The following DNAJC6 variants were observed in gnomAD, a reference collection of about 807,000 sequenced individuals.
The protein encoded by DNAJC6 is DnaJ heat shock protein family (Hsp40) member C6, also known as auxilin.
In DNAJC6, 34 loss-of-function variants were observed where a neutral mutation model predicts 110.0. That is an observed-to-expected ratio of 0.31 (90% confidence interval 0.24 to 0.41). The LOEUF is 0.41. Ranked by LOEUF, DNAJC6 falls within the 10% of genes least tolerant of loss-of-function variation. The probability of loss-of-function intolerance (pLI) is 1.00; values close to 1 mark genes in which losing one functional copy is unlikely to be tolerated. For synonymous variants in DNAJC6, 406 were observed against 437.2 expected (o/e 0.93, Z 0.89); for missense variants, 1,031 against 1,207.8 (o/e 0.85, Z 2.17).
intron 1 of DNAJC6, among the ~76,000 whole-genome samples, chr1:65,296,674 A>G (rs1644932511): frequency 7.0e-6 from 1 of 142,820 alleles, no homozygotes; most frequent in South Asian, 2.2e-4. Flanking sequence ...TGCAACATCC[A>G]CCTTCTGGGT....
intron 1 of DNAJC6, among the ~76,000 whole-genome samples, chr1:65,313,076 A>G: frequency 6.8e-6 from 1 of 147,214 alleles, no homozygotes; most frequent in Non-Finnish European, 1.5e-5. Flanking sequence ...CTGTGATTAC[A>G]GGGTCTTGCT....
chr1:65,404,073 G>A (rs1393105872), intron 15 of DNAJC6, among the ~76,000 whole-genome samples: 2 of 152,160 alleles, frequency 1.3e-5, no homozygotes, highest in Non-Finnish European at 2.9e-5. Context: ...CCCCAGTGTA[G>A]AATGAATACC....
chr1:65,349,560 G>T (rs1368616542), intron 1 of DNAJC6, among the ~76,000 whole-genome samples: 1 of 151,886 alleles, frequency 6.6e-6, no homozygotes, highest in Admixed American at 6.6e-5. Context: ...TGTTTTGAAA[G>T]GATTTTTTGC....
At chr1:65,306,439 C>G (rs530851568), upstream of DNAJC6, 1 of 152,310 alleles carries the variant, frequency 6.6e-6, no homozygotes, top group East Asian at 1.9e-4. Context: ...ATACCTTGAT[C>G]TCTTAGCCCA....
At chr1:65,344,802 AG>A (rs1436153263) in intron 1 of DNAJC6, among the ~76,000 whole-genome samples, 1 of 152,148 alleles carries the variant, frequency 6.6e-6, no homozygotes, top group Non-Finnish European at 1.5e-5. Flanking sequence ...CATGGGATCC[AG>A]GGAGGGACCA....
Position 65,292,939 on chromosome 1 carries a change from T to A in DNAJC6, c.-131+28007T>A, listed in dbSNP as rs1297481355. ...AACGTATGAGGCATCAGCTGGGATGTCAGGATCAGCTCCTCCATGTGGCCT... is the reference window on the plus strand; with the variant it reads ...AACGTATGAGGCATCAGCTGGGATGACAGGATCAGCTCCTCCATGTGGCCT... On this transcript the variant is annotated intron_variant, in intron 1 of 19. Transcript: ENST00000263441. Among the ~76,000 whole-genome samples, 47 of 152,264 alleles carry A rather than the reference T, an allele frequency of 3.1e-4. 1 individual carries two copies. The highest frequency in any genetic ancestry group is 3.1e-3 in the Admixed American group (47 of 15,292).
At chr1:65,397,084 G>A (rs1645986398) in intron 13 of DNAJC6, among the ~76,000 whole-genome samples, 1 of 152,114 alleles carries the variant, frequency 6.6e-6, no homozygotes. Context: ...CCCAGTTTAG[G>A]CCAGTTAGTA....
chr1:65,395,872 A>C (rs10218548), intron 13 of DNAJC6, among the ~76,000 whole-genome samples: 27,272 of 152,082 alleles, frequency 0.18, 5,444 homozygotes, highest in East Asian at 0.58. Flanking sequence ...TTAAAACCGG[A>C]GGTCTGCAGT....
intron 15 of DNAJC6, among the ~76,000 whole-genome samples, 172 bp from the exon 16 acceptor site, chr1:65,405,698 G>A (rs1376721050): frequency 1.3e-5 from 2 of 152,072 alleles, no homozygotes; most frequent in South Asian, 2.1e-4. Flanking sequence ...GTTATTGTGG[G>A]GATGAAGGAA....
chr1:65,391,712 T>C (rs1164926894), intron 11 of DNAJC6, among the ~76,000 whole-genome samples: 1 of 152,156 alleles, frequency 6.6e-6, no homozygotes, highest in Non-Finnish European at 1.5e-5. Flanking sequence ...ACTTAGGTAC[T>C]ACTTACTATT....
At chr1:65,308,806 T>G (rs1645068053), upstream of DNAJC6, among the ~76,000 whole-genome samples, 2 of 152,206 alleles carry the variant, frequency 1.3e-5, no homozygotes, top group South Asian at 4.1e-4. Context: ...TGCGTCGGAC[T>G]TAACCTTGCC....
intron 1 of DNAJC6, among the ~76,000 whole-genome samples, chr1:65,348,037 C>G (rs924033184): frequency 1.3e-5 from 2 of 152,116 alleles, no homozygotes; most frequent in African/African-American, 2.4e-5. Context: ...CTTATCTTCC[C>G]CAGTCTAGGC....
intron 1 of DNAJC6, among the ~76,000 whole-genome samples, chr1:65,326,539 T>G (rs1483454397): frequency 1.3e-5 from 2 of 152,166 alleles, no homozygotes; most frequent in Non-Finnish European, 2.9e-5. Flanking sequence ...ACATATTACT[T>G]AAAAACCAAA....
chr1:65,400,410 T>C lies in DNAJC6; in HGVS notation c.2108-1351T>C, dbSNP rs146172306. On this transcript the variant is annotated intron_variant, in intron 14 of 18. Transcript: ENST00000371069. ...TAACTAGAGTCACTATGCTGTACAA[T>C]GGATCTCTTGACTTATTCCTCCTTT... is the stretch of plus-strand genomic sequence containing the variant. Among the ~76,000 whole-genome samples, 684 of 152,334 alleles carry C rather than the reference T, an allele frequency of 4.5e-3. 3 individuals are homozygous for C. Among genetic ancestry groups the C allele is most frequent in the African/African-American group, 0.016 (654 of 41,570 alleles).
At chr1:65,306,887 G>A (rs140261511), upstream of DNAJC6, among the ~76,000 whole-genome samples, 20 of 151,856 alleles carry the variant, frequency 1.3e-4, no homozygotes, top group African/African-American at 4.6e-4. Context: ...AGACTGCCAG[G>A]CGCTGAGCTT....
At chr1:65,325,730 A>T (rs1645235919) in intron 1 of DNAJC6, among the ~76,000 whole-genome samples, 1 of 152,220 alleles carries the variant, frequency 6.6e-6, no homozygotes, top group African/African-American at 2.4e-5. Context: ...GTTCTGAGAA[A>T]CGCATCTTTG....
intron 1 of DNAJC6, among the ~76,000 whole-genome samples, chr1:65,314,428 T>C (rs1645129746): frequency 6.6e-6 from 1 of 152,180 alleles, no homozygotes; most frequent in Non-Finnish European, 1.5e-5. Flanking sequence ...TTCTTAAGAA[T>C]ATCTGCCCAT....
chr1:65,302,172 A>G (rs1232801238), intron 1 of DNAJC6, among the ~76,000 whole-genome samples: 3 of 141,870 alleles, frequency 2.1e-5, no homozygotes, highest in Non-Finnish European at 3.0e-5. Context: ...ATATTATATT[A>G]TACATTTATA....
chr1:65,335,745 A>G (rs1392925978), intron 1 of DNAJC6, among the ~76,000 whole-genome samples: 3 of 152,218 alleles, frequency 2.0e-5, no homozygotes, highest in Non-Finnish European at 2.9e-5. Context: ...GCCTGTTCCT[A>G]TAGAGCCTTG....
Sources: gnomAD v4.1 joint callset for allele counts (sites outside exome capture counted in the v4.1 genomes callset) on GRCh38, gnomAD v4.1.1 for gene constraint, MANE v1.5 for transcripts, NCBI Gene and HGNC (gene_info 2026-07-23, HGNC 2026-07-21) for gene names.